PAN3: variants seen among roughly 807,000 people sequenced by gnomAD.
The protein encoded by PAN3 is PAN2-PAN3 deadenylation complex subunit PAN3.
A neutral mutation model predicts 96.2 loss-of-function variants in PAN3; 19 were observed. The ratio of observed to expected loss-of-function variants is 0.20; its 90% CI spans 0.14 to 0.29. The LOEUF is 0.29. Among genes scored for constraint, PAN3 ranks in the 10% least tolerant of loss-of-function variants. PAN3 has a pLI of 1.00. For synonymous variants in PAN3, 433 were observed against 406.6 expected (o/e 1.06, Z -0.78); for missense variants, 882 against 1,108.1 (o/e 0.80, Z 2.90).
At chr13:28,239,561 GT>G in intron 6 of PAN3, 1 of 1,255,798 alleles carries the variant, frequency 8.0e-7, no homozygotes, top group Non-Finnish European at 1.0e-6. Context: ...TCTGATTTTT[GT>G]TGGTTGTTTT....
At chr13:28,168,591 T>C (rs913001250) in intron 1 of PAN3, among the ~76,000 whole-genome samples, 4 of 152,170 alleles carry the variant, frequency 2.6e-5, no homozygotes, top group African/African-American at 7.2e-5. Context: ...TGGTGGCACA[T>C]GCCTGTAATC....
At chr13:28,272,938 C>T (rs185031415) in intron 14 of PAN3, among the ~76,000 whole-genome samples, 2 of 152,236 alleles carry the variant, frequency 1.3e-5, no homozygotes, top group East Asian at 3.9e-4. Context: ...GAAACGTGTC[C>T]TAAGCATAGA....
intron 18 of PAN3, 124 bp from the exon 19 acceptor site, chr13:28,292,258 C>T (rs1869847355): frequency 2.1e-6 from 2 of 963,906 alleles, no homozygotes; most frequent in Non-Finnish European, 2.9e-6. Flanking sequence ...TAAATGTACT[C>T]ATGGATATCT....
chr13:28,239,287 A>G (rs2138491221), intron 6 of PAN3, among the ~76,000 whole-genome samples: 1 of 151,808 alleles, frequency 6.6e-6, no homozygotes, highest in East Asian at 1.9e-4. Context: ...CCCTTATAAT[A>G]CTTTCCATTT....
chr13:28,280,574 T>A (rs1455995025), intron 16 of PAN3, 33 bp downstream of exon 16: 1 of 1,548,326 alleles, frequency 6.5e-7, no homozygotes, highest in Non-Finnish European at 8.7e-7. Flanking sequence ...TTTTTTTTTT[T>A]TTTTTGAGAC....
At chr13:28,273,182 G>A (rs1301912290) in intron 14 of PAN3, among the ~76,000 whole-genome samples, 2 of 152,100 alleles carry the variant, frequency 1.3e-5, no homozygotes, top group Admixed American at 1.3e-4. Context: ...TTTGATTATT[G>A]TCTGACTTCA....
At position 28,266,872 on chromosome 13, in the gene PAN3, A is replaced by G; in HGVS notation, c.1569A>G (p.Ile523Met). 1 of 1,593,174 alleles carries G rather than the reference A, an allele frequency of 6.3e-7. No homozygotes were observed. Among genetic ancestry groups the G allele is most frequent in the Non-Finnish European group, 8.5e-7 (1 of 1,170,804 alleles). ...KDDLPYCLRR[I>M]HGFRLVNTKC... ...ATCTGCCATATTGCCTTCGGAGGATACATGGTAAGGAAGATAAGTTATCTT... is the reference window on the plus strand; with the variant it reads ...ATCTGCCATATTGCCTTCGGAGGATGCATGGTAAGGAAGATAAGTTATCTT... The change falls in exon 10 of 19, where the codon ATA becomes ATG. Residue 523 changes from isoleucine to methionine, a missense_variant. By Grantham distance (10) the Ile-to-Met change is conservative. Around this residue, in one of 3 missense-constraint regions of PAN3, gnomAD observed 364 missense variants for 513.6 expected, o/e 0.71. Coordinates refer to ENST00000380958, the MANE Select transcript of PAN3 (RefSeq NM_175854.8).
At chr13:28,238,762 T>C (rs549857095) in intron 6 of PAN3, among the ~76,000 whole-genome samples, 1 of 152,326 alleles carries the variant, frequency 6.6e-6, no homozygotes, top group African/African-American at 2.4e-5. Context: ...GTTATGAAAT[T>C]AGCTTGAGCT....
chr13:28,144,736 TTTTC>T, intron 1 of PAN3, among the ~76,000 whole-genome samples: 1 of 147,832 alleles, frequency 6.8e-6, no homozygotes, highest in African/African-American at 2.5e-5. Context: ...TTTTTTTTTT[TTTTC>T]CTCAGAGCCT....
At chr13:28,156,662 A>G (rs1872208631) in intron 1 of PAN3, among the ~76,000 whole-genome samples, 1 of 152,190 alleles carries the variant, frequency 6.6e-6, no homozygotes, top group Admixed American at 6.5e-5. Context: ...AATCTTCAAC[A>G]AAATACTAGC....
At chr13:28,213,808 T>A (rs1039472618) in intron 5 of PAN3, among the ~76,000 whole-genome samples, 3 of 151,474 alleles carry the variant, frequency 2.0e-5, no homozygotes, top group Non-Finnish European at 4.4e-5. Context: ...TCAAAAAATG[T>A]GGACACTTCA....
chr13:28,146,507 C>G (rs1870673627), intron 1 of PAN3, among the ~76,000 whole-genome samples: 1 of 152,026 alleles, frequency 6.6e-6, no homozygotes, highest in Non-Finnish European at 1.5e-5. Context: ...CTGGTGAGGG[C>G]TCTCTCCTGG....
intron 5 of PAN3, among the ~76,000 whole-genome samples, chr13:28,211,266 C>T (rs1300548528): frequency 6.6e-6 from 1 of 152,094 alleles, no homozygotes; most frequent in Admixed American, 6.6e-5. Context: ...TCCACCCTGT[C>T]TTTCTTTCTC....
chr13:28,270,265 A>G (rs1886503148), intron 12 of PAN3, among the ~76,000 whole-genome samples: 1 of 152,204 alleles, frequency 6.6e-6, no homozygotes, highest in Non-Finnish European at 1.5e-5. Context: ...AACATAAGTG[A>G]TGGTAGAGAC....
intron 6 of PAN3, among the ~76,000 whole-genome samples, chr13:28,234,196 TTTG>T (rs757868338): frequency 6.6e-6 from 1 of 151,996 alleles, no homozygotes; most frequent in Non-Finnish European, 1.5e-5. Flanking sequence ...CCATGTGGGT[TTTG>T]TTGTTGTTAT....
At chr13:28,192,884 T>C (rs1423084645) in intron 4 of PAN3, among the ~76,000 whole-genome samples, 1 of 152,242 alleles carries the variant, frequency 6.6e-6, no homozygotes, top group Non-Finnish European at 1.5e-5. Flanking sequence ...ATGTAATCTT[T>C]CGCCTCACCA....
At chr13:28,178,025 T>C (rs986034667) in intron 4 of PAN3, 90 bp downstream of exon 4, 24 of 1,185,416 alleles carry the variant, frequency 2.0e-5, no homozygotes, top group African/African-American at 3.0e-5. Context: ...TTTTTGTAAG[T>C]GGAGGGAGAG....
intron 1 of PAN3, among the ~76,000 whole-genome samples, chr13:28,140,303 C>T (rs1382951934): frequency 1.3e-5 from 2 of 152,248 alleles, no homozygotes; most frequent in Non-Finnish European, 2.9e-5. Flanking sequence ...GTTGCCTTTA[C>T]GAATAGAGCC....
intron 5 of PAN3, among the ~76,000 whole-genome samples, chr13:28,198,261 G>A (rs1025773632): frequency 5.3e-5 from 8 of 150,992 alleles, no homozygotes; most frequent in African/African-American, 1.7e-4. Flanking sequence ...ACCCACTCCA[G>A]CCTGGGCAAC....
Sources: gnomAD v4.1 joint callset for allele counts (sites outside exome capture counted in the v4.1 genomes callset) on GRCh38, gnomAD v4.1.1 for gene constraint, gnomAD v4.1.1 regional missense constraint, MANE v1.5 for transcripts, NCBI Gene and HGNC (gene_info 2026-07-23, HGNC 2026-07-21) for gene names.